ST6GAL1: variants seen among roughly 807,000 people sequenced by gnomAD.
ST6GAL1 encodes beta-galactoside alpha-2,6-sialyltransferase 1.
Under a neutral mutation model 38.0 loss-of-function variants are expected in ST6GAL1, and 20 were observed. The observed-to-expected ratio is 0.53, with a 90% confidence interval of 0.37 to 0.77. The LOEUF is 0.77. ST6GAL1 is among the 30% of genes least tolerant of loss of function. The pLI is 0.00. For missense variants in ST6GAL1, 432 were observed against 496.4 expected, an observed-to-expected ratio of 0.87 and a Z score of 1.23; for synonymous variants, 196 against 188.2, an observed-to-expected ratio of 1.04 and a Z score of -0.34.
chr3:187,016,999 C>A (rs778859043), intron 2 of ST6GAL1, among the ~76,000 whole-genome samples: 1 of 152,318 alleles, frequency 6.6e-6, no homozygotes, highest in Non-Finnish European at 1.5e-5. Context: ...TCATAACAGG[C>A]GATCCCCTTT....
At chr3:187,067,143 G>C (rs1461142831) in intron 5 of ST6GAL1, among the ~76,000 whole-genome samples, 1 of 135,098 alleles carries the variant, frequency 7.4e-6, no homozygotes, top group East Asian at 2.3e-4. Flanking sequence ...CTGGAGTGCA[G>C]TGGTGCGATC....
chr3:187,045,912 G>T lies in ST6GAL1; in HGVS notation c.607+2602G>T, dbSNP rs73888345. On this transcript the variant is annotated intron_variant, in intron 4 of 7. Transcript: ENST00000169298. ...ACAAATAATCCTGTTTGGACGGCAT[G>T]TGGGTCCTTGTGGGTGAAGATGGGT... is the stretch of plus-strand genomic sequence containing the variant. Among the ~76,000 whole-genome samples the T allele has an allele frequency of 9.0e-3, 1,377 of 152,302 alleles. 26 individuals carry two copies. Among genetic ancestry groups the T allele is most frequent in the African/African-American group, 0.032 (1,319 of 41,554 alleles).
chr3:186,943,955 T>C (rs1210788868), intron 1 of ST6GAL1, among the ~76,000 whole-genome samples: 1 of 152,234 alleles, frequency 6.6e-6, no homozygotes, highest in Non-Finnish European at 1.5e-5. Context: ...TCCCTCTCTT[T>C]TAATGTTTCA....
intron 2 of ST6GAL1, among the ~76,000 whole-genome samples, chr3:186,984,467 T>C (rs1715797370): frequency 6.6e-6 from 1 of 152,128 alleles, no homozygotes; most frequent in African/African-American, 2.4e-5. Flanking sequence ...ACATCGTTGT[T>C]TGTTCCTCCC....
At chr3:187,005,218 T>C (rs1170550133) in intron 2 of ST6GAL1, among the ~76,000 whole-genome samples, 1 of 151,882 alleles carries the variant, frequency 6.6e-6, no homozygotes. Context: ...CTGAAACTGG[T>C]CATGGGTCTG....
intron 5 of ST6GAL1, among the ~76,000 whole-genome samples, chr3:187,058,745 G>T (rs749978137): frequency 6.6e-6 from 1 of 151,840 alleles, no homozygotes; most frequent in Non-Finnish European, 1.5e-5. Flanking sequence ...GGGTTCAAGC[G>T]ATCCTCTTGC....
chr3:186,934,987 G>A (rs367810520), intron 1 of ST6GAL1, among the ~76,000 whole-genome samples: 2 of 151,944 alleles, frequency 1.3e-5, no homozygotes, highest in Admixed American at 1.3e-4. Context: ...GGATGGTCTC[G>A]ATCAAAAATT....
chr3:187,006,006 C>T (rs1716775299), intron 2 of ST6GAL1: 1 of 152,266 alleles, frequency 6.6e-6, no homozygotes, highest in Non-Finnish European at 1.5e-5. Context: ...TGGGGTGAGC[C>T]AACCTGAGTT....
At chr3:186,994,977 A>G (rs915381817) in intron 2 of ST6GAL1, among the ~76,000 whole-genome samples, 4 of 152,084 alleles carry the variant, frequency 2.6e-5, no homozygotes, top group African/African-American at 9.7e-5. Context: ...TTAAAAATAA[A>G]AACTACAAGA....
chr3:186,947,217 C>G (rs1714400399), intron 1 of ST6GAL1, among the ~76,000 whole-genome samples: 1 of 152,094 alleles, frequency 6.6e-6, no homozygotes, highest in Non-Finnish European at 1.5e-5. Context: ...CCCTATAGCA[C>G]AGGTACAATT....
chr3:186,963,570 A>G (rs943481722), intron 1 of ST6GAL1, among the ~76,000 whole-genome samples: 3 of 152,324 alleles, frequency 2.0e-5, no homozygotes, highest in Admixed American at 1.3e-4. Flanking sequence ...CGACTGTAGC[A>G]GAGTTTGCTT....
At chr3:186,934,911 T>TA (rs1713891676) in intron 1 of ST6GAL1, among the ~76,000 whole-genome samples, 1 of 151,418 alleles carries the variant, frequency 6.6e-6, no homozygotes, top group Non-Finnish European at 1.5e-5. Context: ...GGACTACAGG[T>TA]GCCCGCCACC....
At chr3:187,048,655 C>T (rs1289358350) in intron 4 of ST6GAL1, among the ~76,000 whole-genome samples, 1 of 152,128 alleles carries the variant, frequency 6.6e-6, no homozygotes, top group Non-Finnish European at 1.5e-5. Flanking sequence ...GGGCATGGAC[C>T]TTGTCTTTGT....
chr3:187,033,782 G>T (rs986381533), intron 2 of ST6GAL1, among the ~76,000 whole-genome samples: 6 of 152,102 alleles, frequency 3.9e-5, no homozygotes, highest in Non-Finnish European at 7.4e-5. Context: ...AGGAAAGTTT[G>T]TAGTGCTTAA....
At chr3:187,074,449 G>T in intron 7 of ST6GAL1, 116 bp downstream of exon 7, 1 of 1,183,624 alleles carries the variant, frequency 8.4e-7, no homozygotes, top group Non-Finnish European at 1.1e-6. Flanking sequence ...CAATTGCTAG[G>T]ATTCTGCTCT....
chr3:187,028,671 G>A (rs1718931124), intron 2 of ST6GAL1, among the ~76,000 whole-genome samples: 2 of 152,044 alleles, frequency 1.3e-5, no homozygotes, highest in African/African-American at 2.4e-5. Context: ...TCCCCAAGGT[G>A]AATCAAACCA....
At chr3:187,022,105 T>C (rs970679944) in intron 2 of ST6GAL1, 1 of 152,286 alleles carries the variant, frequency 6.6e-6, no homozygotes, top group African/African-American at 2.4e-5. Context: ...CAGAAAGAAG[T>C]TCTGGAGGCC....
chr3:186,997,517 A>G (rs1019736220), intron 2 of ST6GAL1, among the ~76,000 whole-genome samples: 1 of 152,078 alleles, frequency 6.6e-6, no homozygotes, highest in Non-Finnish European at 1.5e-5. Flanking sequence ...ACATTTTGAG[A>G]GGCTGAGGTG....
chr3:187,020,467 A>G (rs1217081265), intron 2 of ST6GAL1, among the ~76,000 whole-genome samples: 1 of 152,188 alleles, frequency 6.6e-6, no homozygotes, highest in African/African-American at 2.4e-5. Flanking sequence ...TAACATCTAT[A>G]AGACCTGCTG....
Sources: gnomAD v4.1 joint callset for allele counts (sites outside exome capture counted in the v4.1 genomes callset) on GRCh38, gnomAD v4.1.1 for gene constraint, MANE v1.5 for transcripts, NCBI Gene and HGNC (gene_info 2026-07-23, HGNC 2026-07-21) for gene names.